Variants in GPR89B observed in about 807,000 individuals in gnomAD.
The protein encoded by GPR89B is G protein-coupled receptor 89B.
A neutral mutation model predicts 52.4 loss-of-function variants in GPR89B; 25 were observed. The observed-to-expected ratio is 0.48, with a 90% CI of 0.35 to 0.67. The LOEUF (loss-of-function observed/expected upper bound fraction) is 0.67, where lower values mean the gene tolerates loss of function less well. Among genes scored for constraint, GPR89B ranks in the 30% least tolerant of loss-of-function variants. GPR89B has a pLI of 0.01. For synonymous variants in GPR89B, 52 were observed against 151.2 expected (o/e 0.34, Z 4.81); for missense variants, 146 against 450.2 (o/e 0.32, Z 6.11).
intron 10 of GPR89B, 139 bp downstream of exon 10, chr1:147,970,098 T>G: frequency 5.9e-6 from 6 of 1,016,118 alleles, no homozygotes; most frequent in Non-Finnish European, 8.4e-6. Flanking sequence ...CTTCCACATC[T>G]CTGGGCTTCA....
intron 5 of GPR89B, among the ~76,000 whole-genome samples, 175 bp from the exon 6 acceptor site, chr1:147,953,170 C>A (rs1443102677): frequency 1.3e-5 from 2 of 151,466 alleles, no homozygotes; most frequent in African/African-American, 4.8e-5. Context: ...GGAGGAAAAT[C>A]AGTAAACTTT....
intron 12 of GPR89B, among the ~76,000 whole-genome samples, chr1:147,989,916 A>G (rs1480653986): frequency 6.6e-6 from 1 of 152,346 alleles, no homozygotes; most frequent in African/African-American, 2.4e-5. Flanking sequence ...TGCACACGCA[A>G]TAAACATACG....
At position 147,993,535 on chromosome 1, in the gene GPR89B, T is replaced by C. The variant is rs1392551365; in HGVS notation, c.*618T>C. ...TTTACCAAAAGAGAGATTTCAGTTATGTCATTTTTTCTTGATTTCCTGTGA... is the reference window on the plus strand; with the variant it reads ...TTTACCAAAAGAGAGATTTCAGTTACGTCATTTTTTCTTGATTTCCTGTGA... On this transcript the variant is annotated 3_prime_UTR_variant, in exon 14 of 14. Coordinates refer to ENST00000314163, the MANE Select transcript of GPR89B (RefSeq NM_016334.5). 1 of 169,168 alleles carries C rather than the reference T, an allele frequency of 5.9e-6. No homozygotes were observed. The highest frequency in any genetic ancestry group is 1.3e-5 in the Non-Finnish European group (1 of 77,208). 10.5% of individuals were successfully genotyped at this position (169,168 alleles called of 1,614,324 possible).
At chr1:147,987,210 T>C (rs1406913043) in intron 11 of GPR89B, among the ~76,000 whole-genome samples, 4 of 152,220 alleles carry the variant, frequency 2.6e-5, no homozygotes, top group Admixed American at 1.3e-4. Flanking sequence ...CTTCAAGTGG[T>C]ATATAAATTA....
At position 147,993,008 on chromosome 1, in the gene GPR89B, TAAAC is replaced by T. The variant is rs1334305576; in HGVS notation, c.*99_*102del. On this transcript the variant is annotated 3_prime_UTR_variant, in exon 14 of 14. Coordinates refer to ENST00000314163, the MANE Select transcript of GPR89B (RefSeq NM_016334.5). ...AATGGAACCAGGGCCTGACATTTTA[TAAAC>T]AAACAAAATGCTATGGTAGCATTTT... is the stretch of plus-strand genomic sequence containing the variant. 10 of 1,507,790 alleles carry T rather than the reference TAAAC, an allele frequency of 6.6e-6. No homozygotes were observed. In the Admixed American group the frequency reaches 1.6e-4, roughly 23 times the overall value. 93.4% of individuals were successfully genotyped at this position (1,507,790 alleles called of 1,614,324 possible). A position where few individuals can be genotyped will look rare whatever the true frequency, so the allele number is the denominator to read the frequency against.
At chr1:147,955,147 G>C (rs1656024349) in intron 7 of GPR89B, among the ~76,000 whole-genome samples, 1 of 151,820 alleles carries the variant, frequency 6.6e-6, no homozygotes, top group Non-Finnish European at 1.5e-5. Context: ...ATATAAGTGA[G>C]AACATGCAGT....
At chr1:147,963,740 G>A (rs1307588067) in intron 7 of GPR89B, among the ~76,000 whole-genome samples, 1 of 152,010 alleles carries the variant, frequency 6.6e-6, no homozygotes, top group Non-Finnish European at 1.5e-5. Flanking sequence ...TACATTGCTG[G>A]CATCCATGTA....
intron 11 of GPR89B, among the ~76,000 whole-genome samples, chr1:147,986,509 A>G (rs1216179488): frequency 1.3e-5 from 2 of 152,164 alleles, no homozygotes; most frequent in Non-Finnish European, 2.9e-5. Flanking sequence ...CTCTTAACAT[A>G]AAGCCAGAAG....
the GPR89B span, among the ~76,000 whole-genome samples, chr1:148,023,226 G>A: frequency 1.4e-5 from 2 of 146,546 alleles, no homozygotes; most frequent in African/African-American, 5.2e-5. Context: ...GTTTCTTCCA[G>A]ATTATGGCCT....
At chr1:148,000,776 A>T in the GPR89B span, among the ~76,000 whole-genome samples, 1 of 122,162 alleles carries the variant, frequency 8.2e-6, no homozygotes, top group Non-Finnish European at 1.7e-5. Context: ...TGTTAAAAGT[A>T]AAAAAAAAAA....
intron 9 of GPR89B, 158 bp downstream of exon 9, chr1:147,969,121 A>G (rs1657242440): frequency 5.3e-6 from 3 of 565,402 alleles, no homozygotes; most frequent in Admixed American, 6.8e-5. Context: ...TTCACTCTTC[A>G]TGAAATTGCT....
chr1:148,020,321 AT>A, the GPR89B span, among the ~76,000 whole-genome samples: 1 of 146,740 alleles, frequency 6.8e-6, no homozygotes, highest in Admixed American at 6.8e-5. Context: ...ACTTTGTGGT[AT>A]TGCCTGATGG....
the GPR89B span, among the ~76,000 whole-genome samples, chr1:147,998,847 C>G: frequency 7.1e-6 from 1 of 140,024 alleles, no homozygotes; most frequent in African/African-American, 2.6e-5. Context: ...TACCATTGCA[C>G]TCCAGCTTGG....
chr1:148,012,275 GGGGGT>G, the GPR89B span: 1 of 151,740 alleles, frequency 6.6e-6, no homozygotes, highest in African/African-American at 2.4e-5. Flanking sequence ...AATCAGGATT[GGGGGT>G]GGGGAGGGAG....
intron 7 of GPR89B, among the ~76,000 whole-genome samples, chr1:147,965,345 T>C (rs1656953332): frequency 6.6e-6 from 1 of 151,272 alleles, no homozygotes; most frequent in Non-Finnish European, 1.5e-5. Flanking sequence ...ATACCAATGC[T>C]GCTGCTTGCT....
chr1:148,011,757 G>A, the GPR89B span: 2 of 152,184 alleles, frequency 1.3e-5, no homozygotes, highest in East Asian at 1.9e-4. Flanking sequence ...CTTCCGGGAG[G>A]GATTCTGTGT....
the GPR89B span, among the ~76,000 whole-genome samples, chr1:148,007,140 A>G: frequency 7.2e-6 from 1 of 139,774 alleles, no homozygotes; most frequent in East Asian, 2.1e-4. Flanking sequence ...CAGTGGCGCA[A>G]TCTGAGCTCA....
intron 5 of GPR89B, among the ~76,000 whole-genome samples, chr1:147,948,962 C>G (rs1191420298): frequency 6.6e-6 from 1 of 151,928 alleles, no homozygotes; most frequent in African/African-American, 2.4e-5. Flanking sequence ...GGTGATGACT[C>G]TTAACGAGCA....
rs1399766287 is a variant in GPR89B at position 147,928,455 on chromosome 1, C to T, written c.-82C>T. 13 of 1,548,312 alleles carry T rather than the reference C, an allele frequency of 8.4e-6. No homozygotes were observed. The Admixed American group carries it at 1.4e-4, about 16-fold the overall frequency. ...CTGCAGCACCTGGGAGAAGGCAGAC[C>T]GTGTGAGGGGGCCTGTGGCCCCAGC... On this transcript the variant is annotated 5_prime_UTR_variant, in exon 1 of 14. Transcript: ENST00000314163.
Sources: allele counts gnomAD v4.1 joint callset (sites outside exome capture counted in the v4.1 genomes callset), GRCh38; gene constraint gnomAD v4.1.1; transcripts MANE v1.5; gene names NCBI Gene and HGNC (gene_info 2026-07-23, HGNC 2026-07-21).